The following CHST9 variants were observed in gnomAD, a reference collection of about 807,000 sequenced individuals.
CHST9 encodes the protein carbohydrate sulfotransferase 9, also known as GalNAc-4-sulfotransferase 2.
In CHST9, 41 loss-of-function variants were observed where a neutral mutation model predicts 44.4. That is an observed-to-expected ratio of 0.92 (90% confidence interval 0.72 to 1.20). The LOEUF (loss-of-function observed/expected upper bound fraction) is 1.20. Among genes scored for constraint, CHST9 ranks in the 50% most tolerant of loss-of-function variants. The pLI, the probability that CHST9 is intolerant of heterozygous loss-of-function variation, is 0.00. For synonymous variants in CHST9, 171 were observed against 178.4 expected (o/e 0.96, Z 0.33); for missense variants, 504 against 516.5 (o/e 0.98, Z 0.23).
intron 2 of CHST9, among the ~76,000 whole-genome samples, chr18:27,066,490 AT>A (rs2057783777): frequency 6.6e-6 from 1 of 152,152 alleles, no homozygotes; most frequent in Non-Finnish European, 1.5e-5. Flanking sequence ...CAGGGTTTCC[AT>A]TTGTTGCCCA....
chr18:27,035,515 T>A (rs1302455525), intron 3 of CHST9, among the ~76,000 whole-genome samples: 1 of 152,086 alleles, frequency 6.6e-6, no homozygotes, highest in African/African-American at 2.4e-5. Context: ...TGTTTATGTG[T>A]GCACATATAT....
chr18:27,056,510 T>C (rs2057657786), intron 2 of CHST9, among the ~76,000 whole-genome samples: 2 of 152,164 alleles, frequency 1.3e-5, no homozygotes, highest in African/African-American at 2.4e-5. Flanking sequence ...GGTGAATTGT[T>C]TTTTTCTGGA....
chr18:26,937,359 C>A (rs2056012407), intron 5 of CHST9, among the ~76,000 whole-genome samples: 1 of 152,078 alleles, frequency 6.6e-6, no homozygotes, highest in African/African-American at 2.4e-5. Context: ...AATCTGTATT[C>A]CAGGGTCTCA....
rs185453662 is a variant in CHST9 at position 26,962,871 on chromosome 18, T to C, written c.203-18505A>G. 5.4e-3 allele frequency among the ~76,000 whole-genome samples: 824 copies of C among 152,286 alleles called. 5 individuals are homozygous for C. The highest frequency in any genetic ancestry group is 8.1e-3 in the Non-Finnish European group (550 of 68,006). ...GTGGTAGGTGATAGATGGTAGATGG[T>C]GTGTTTATGAGTCAGGTGGAACAAA... On this transcript the variant is annotated intron_variant, in intron 4 of 5. Coordinates refer to ENST00000618847, the MANE Select transcript of CHST9 (RefSeq NM_031422.6).
intron 2 of CHST9, among the ~76,000 whole-genome samples, chr18:27,093,910 A>AG (rs1299590131): frequency 2.0e-5 from 3 of 151,398 alleles, no homozygotes; most frequent in Non-Finnish European, 4.4e-5. Flanking sequence ...TTAAACAAAG[A>AG]GGCTGAGAGA....
chr18:27,032,500 G>A (rs1036459), intron 3 of CHST9, among the ~76,000 whole-genome samples: 5 of 151,986 alleles, frequency 3.3e-5, no homozygotes, highest in South Asian at 2.1e-4. Flanking sequence ...TACAGCCTCC[G>A]TCCTTCCCTC....
At chr18:27,038,106 C>A (rs1366668709) in intron 3 of CHST9, among the ~76,000 whole-genome samples, 1 of 152,130 alleles carries the variant, frequency 6.6e-6, no homozygotes, top group Non-Finnish European at 1.5e-5. Context: ...AATTGATTAT[C>A]TCTCTTTTTA....
intron 4 of CHST9, among the ~76,000 whole-genome samples, chr18:26,953,035 G>C (rs1236043537): frequency 6.6e-6 from 1 of 152,116 alleles, no homozygotes; most frequent in Non-Finnish European, 1.5e-5. Context: ...TGAACAACCA[G>C]GGACCATGAT....
intron 4 of CHST9, among the ~76,000 whole-genome samples, chr18:26,965,618 G>A (rs2056454834): frequency 6.6e-6 from 1 of 152,150 alleles, no homozygotes; most frequent in Non-Finnish European, 1.5e-5. Context: ...AGAGAGATGT[G>A]ATAACAATAA....
intron 2 of CHST9, among the ~76,000 whole-genome samples, chr18:27,137,206 A>C (rs760436439): frequency 3.8e-4 from 58 of 151,402 alleles, no homozygotes; most frequent in Non-Finnish European, 7.5e-4. Flanking sequence ...CATATAATGA[A>C]TATATAATTT....
intron 2 of CHST9, among the ~76,000 whole-genome samples, chr18:27,112,220 G>A (rs73406610): frequency 1.6e-4 from 24 of 150,740 alleles, no homozygotes; most frequent in African/African-American, 5.8e-4. Flanking sequence ...AGGCTGAGAA[G>A]CCCCATGATC....
intron 5 of CHST9, among the ~76,000 whole-genome samples, chr18:26,924,369 A>C (rs2055723040): frequency 6.6e-6 from 1 of 152,100 alleles, no homozygotes; most frequent in African/African-American, 2.4e-5. Flanking sequence ...GGGTGTGGGC[A>C]TTCACTATCT....
chr18:26,979,048 C>T (rs2056660510), intron 4 of CHST9, among the ~76,000 whole-genome samples: 2 of 151,446 alleles, frequency 1.3e-5, no homozygotes, highest in Non-Finnish European at 2.9e-5. Context: ...AAGATTGTGG[C>T]AGGTATGTCG....
At chr18:27,114,882 G>T (rs2058306683) in intron 2 of CHST9, among the ~76,000 whole-genome samples, 2 of 152,132 alleles carry the variant, frequency 1.3e-5, no homozygotes, top group Admixed American at 1.3e-4. Flanking sequence ...TGATTTGGCT[G>T]TGTCCCCACC....
At chr18:26,980,733 C>A (rs1214437858) in intron 4 of CHST9, among the ~76,000 whole-genome samples, 1 of 152,084 alleles carries the variant, frequency 6.6e-6, no homozygotes, top group Non-Finnish European at 1.5e-5. Flanking sequence ...AAAGTCCACA[C>A]TTTTCTTGGG....
chr18:27,018,948 CCTT>C (rs2057187499), intron 4 of CHST9, among the ~76,000 whole-genome samples: 1 of 152,190 alleles, frequency 6.6e-6, no homozygotes, highest in Non-Finnish European at 1.5e-5. Context: ...CACCATAGCA[CCTT>C]CTTCTCAATT....
chr18:27,059,846 C>T (rs191167503), intron 2 of CHST9, among the ~76,000 whole-genome samples: 6 of 152,302 alleles, frequency 3.9e-5, no homozygotes, highest in East Asian at 3.9e-4. Context: ...CATTGACCCA[C>T]GTCAAAGGTT....
At chr18:27,055,325 GA>G (rs1199733299) in intron 2 of CHST9, among the ~76,000 whole-genome samples, 1 of 151,804 alleles carries the variant, frequency 6.6e-6, no homozygotes, top group Non-Finnish European at 1.5e-5. Context: ...GATTTTAAAG[GA>G]AAAAAAACTC....
intron 3 of CHST9, among the ~76,000 whole-genome samples, chr18:27,042,546 C>T (rs1440586184): frequency 1.3e-5 from 2 of 152,102 alleles, no homozygotes; most frequent in African/African-American, 2.4e-5. Flanking sequence ...CAAGCCACAG[C>T]CTAGGTTCCA....
Sources: gnomAD v4.1 joint callset for allele counts (sites outside exome capture counted in the v4.1 genomes callset) on GRCh38, gnomAD v4.1.1 for gene constraint, MANE v1.5 for transcripts, NCBI Gene and HGNC (gene_info 2026-07-23, HGNC 2026-07-21) for gene names.